Variants in ITGB1BP1 observed in about 807,000 individuals in gnomAD.
ITGB1BP1 encodes integrin subunit beta 1 binding protein 1.
Under a neutral mutation model 28.0 loss-of-function variants are expected in ITGB1BP1, and 20 were observed. The ratio of observed to expected loss-of-function variants is 0.71; its 90% CI spans 0.50 to 1.04. The LOEUF (loss-of-function observed/expected upper bound fraction) is 1.04. Ranked by LOEUF, ITGB1BP1 falls within the 50% of genes least tolerant of loss-of-function variation. The pLI is 0.00. For synonymous variants in ITGB1BP1, 103 were observed against 89.5 expected, an observed-to-expected ratio of 1.15 and a Z score of -0.85; for missense variants, 228 against 242.5, an observed-to-expected ratio of 0.94 and a Z score of 0.40.
rs947679144 is a variant in ITGB1BP1 at position 9,406,526 on chromosome 2, A to AAT, written c.*307_*308insAT. ...GACATCTCGTCTTCCTCAGGCCTTC[A>AAT]GTGTGTGTTTGTCACTGAGTGGACC... On this transcript the variant is annotated 3_prime_UTR_variant, in exon 7 of 7. Transcript: ENST00000355346. The AAT allele has an allele frequency of 3.9e-6, 1 of 253,662 alleles. No homozygotes were observed. The highest frequency in any genetic ancestry group is 8.7e-5 in the East Asian group (1 of 11,508). 15.7% of individuals were successfully genotyped at this position (253,662 alleles called of 1,614,324 possible).
At chr2:9,423,569 C>T (rs183645433), upstream of ITGB1BP1, 499 of 1,121,956 alleles carry the variant, frequency 4.4e-4, 1 homozygote, top group African/African-American at 7.4e-3. Flanking sequence ...GGTTCCAAGA[C>T]CCCAAGTGGT....
chr2:9,412,140 C>T (rs1042064988), intron 4 of ITGB1BP1, 129 bp downstream of exon 4: 17 of 729,426 alleles, frequency 2.3e-5, no homozygotes, highest in African/African-American at 8.9e-5. Flanking sequence ...GGTGGTGATG[C>T]GGGGACTTCA....
At chr2:9,407,398 G>C (rs773518118) in intron 6 of ITGB1BP1, 51 bp downstream of exon 6, 2 of 1,600,318 alleles carry the variant, frequency 1.2e-6, no homozygotes, top group South Asian at 2.2e-5. Flanking sequence ...AGTAGTCCCT[G>C]GGTGTTGCGA....
chr2:9,408,916 A>G (rs1677934326), intron 4 of ITGB1BP1, among the ~76,000 whole-genome samples: 1 of 152,232 alleles, frequency 6.6e-6, no homozygotes. Context: ...CTACATGAGA[A>G]AAATGAAGAT....
intron 1 of ITGB1BP1, chr2:9,422,850 G>C (rs1422651863): frequency 4.1e-6 from 4 of 985,970 alleles, no homozygotes; most frequent in Non-Finnish European, 4.8e-6. Context: ...ATGCCAAAGC[G>C]CCCGAAGAGT....
chr2:9,408,465 G>A, intron 4 of ITGB1BP1: 1 of 327,472 alleles, frequency 3.1e-6, no homozygotes, highest in Non-Finnish European at 5.7e-6. Flanking sequence ...TCAGCTCGTT[G>A]CAACGTCTGC....
At chr2:9,423,178 CGT>C (rs28372794) in intron 1 of ITGB1BP1, 193 bp downstream of exon 1, 618,209 of 1,044,910 alleles carry the variant, frequency 0.59, 186,949 homozygotes, top group African/African-American at 0.8. Flanking sequence ...GCCCGATCTG[CGT>C]GGTTCCAAGC....
intron 1 of ITGB1BP1, chr2:9,419,917 T>C: frequency 3.2e-6 from 1 of 316,142 alleles, no homozygotes; most frequent in Non-Finnish European, 4.6e-6. Flanking sequence ...CAAGACGATT[T>C]ATGAATAAGA....
At chr2:9,418,846 G>A in intron 1 of ITGB1BP1, 114 bp from the exon 2 acceptor site, 1 of 727,548 alleles carries the variant, frequency 1.4e-6, no homozygotes, top group Admixed American at 2.2e-5. Flanking sequence ...GCACAAACAT[G>A]GCTCTGCAGT....
chr2:9,405,038 G>A lies in ITGB1BP1; in HGVS notation c.*1796C>T, dbSNP rs1677096733. 1 of 152,454 alleles carries A rather than the reference G, an allele frequency of 6.6e-6. No individual in the cohort carries two copies. 9.4% of individuals were successfully genotyped at this position (152,454 alleles called of 1,614,324 possible). ...AATCCTCCTGCATCTGTATTTTATA[G>A]TCAGCCTTTTGACCACCTGGTGCCA... On this transcript the variant is annotated 3_prime_UTR_variant, in exon 7 of 7. Transcript: ENST00000355346.
intron 4 of ITGB1BP1, among the ~76,000 whole-genome samples, chr2:9,410,683 G>GC (rs993140748): frequency 4.6e-5 from 7 of 151,932 alleles, no homozygotes; most frequent in African/African-American, 1.7e-4. Flanking sequence ...CAAGTGATCT[G>GC]CCCCCCTTGG....
At position 9,412,314 on chromosome 2, in the gene ITGB1BP1, G is replaced by T; in HGVS notation, c.243C>A (p.Gly81=). Residue 81 remains glycine (G), a synonymous_variant, in exon 4 of 7, where the codon GGC becomes GGA. Transcript: ENST00000355346. The part of the protein sequence containing the change: ...IEKLKLSEGK[G]LEGPLDLINY... ...TTATCAGGTCTAATGGCCCTTCAAG[G>T]CCTTTTCCCTCGGAGAGTTTCAGTT... 6.2e-6 allele frequency: 10 copies of T among 1,612,234 alleles called. No homozygotes were observed. Among genetic ancestry groups the T allele is most frequent in the Non-Finnish European group, 8.5e-6 (10 of 1,178,860 alleles).
In ITGB1BP1 at chr2:9,407,438, C is replaced by T. The variant is rs371225003; in HGVS notation, c.531+11G>A. On this transcript the variant is annotated intron_variant, in intron 6 of 6. Transcript: ENST00000355346. ...ATGGGCAAGCAGCTAACCAAAGTAA[C>T]GAAGTCTCACCAGGCTGTTGCACTG... 6.2e-6 allele frequency: 10 copies of T among 1,613,950 alleles called. No homozygotes were observed. The highest frequency in any genetic ancestry group is 4.5e-5 in the East Asian group (2 of 44,894).
At chr2:9,420,004 C>A (rs1198618882) in intron 1 of ITGB1BP1, 1 of 946,706 alleles carries the variant, frequency 1.1e-6, no homozygotes, top group Non-Finnish European at 1.3e-6. Context: ...GAATTGAACA[C>A]TATTTGACTG....
At chr2:9,418,757 GT>G in intron 1 of ITGB1BP1, 25 bp from the exon 2 acceptor site, 1 of 1,358,982 alleles carries the variant, frequency 7.4e-7, no homozygotes, top group Non-Finnish European at 1.0e-6. Context: ...ATTGGTAACA[GT>G]TACATCGGGA....
At chr2:9,407,904 G>C in intron 5 of ITGB1BP1, 2 of 567,110 alleles carry the variant, frequency 3.5e-6, no homozygotes, top group East Asian at 5.7e-5. Flanking sequence ...GGGTGGGGGG[G>C]GCAGGTTGCA....
At chr2:9,418,776 C>CAT in intron 1 of ITGB1BP1, 44 bp from the exon 2 acceptor site, 1 of 952,046 alleles carries the variant, frequency 1.1e-6, no homozygotes, top group Non-Finnish European at 1.6e-6. Flanking sequence ...GGAAAAGCAA[C>CAT]TTTTTTTTTT....
At chr2:9,412,921 C>T (rs531782854) in intron 3 of ITGB1BP1, among the ~76,000 whole-genome samples, 9 of 152,184 alleles carry the variant, frequency 5.9e-5, no homozygotes, top group Non-Finnish European at 8.8e-5. Context: ...GCCTACTCTT[C>T]CTCTATCGTT....
In ITGB1BP1 at chr2:9,423,378, A is replaced by G; in HGVS notation, c.-41T>C. The G allele has an allele frequency of 8.7e-7, 1 of 1,149,642 alleles. No homozygotes were observed. The highest frequency in any genetic ancestry group is 1.6e-5 in the South Asian group (1 of 61,306). The allele number at this position is 1,149,642 out of a possible 1,614,324, so 71.2% of individuals were successfully genotyped here. On this transcript the variant is annotated 5_prime_UTR_variant, in exon 1 of 7. Transcript: ENST00000355346. The stretch of plus-strand genomic sequence containing the variant: ...GACGAGGGCTGGGCGCTCACCTCGC[A>G]GCCGCGGGCCCATCCCCGGGTTGCG...
Sources: gnomAD v4.1 joint callset for allele counts (sites outside exome capture counted in the v4.1 genomes callset) on GRCh38, gnomAD v4.1.1 for gene constraint, MANE v1.5 for transcripts, NCBI Gene and HGNC (gene_info 2026-07-23, HGNC 2026-07-21) for gene names.